DOCK1: variants seen among roughly 807,000 people sequenced by gnomAD.
The protein encoded by DOCK1 is dedicator of cytokinesis 1.
DOCK1 carries 138 observed loss-of-function variants against 262.7 expected under a neutral mutation model. The observed-to-expected ratio is 0.53, with a 90% CI of 0.46 to 0.61. The LOEUF (loss-of-function observed/expected upper bound fraction) is 0.61. Among genes scored for constraint, DOCK1 ranks in the 20% least tolerant of loss-of-function variants. DOCK1 has a pLI of 0.00. For missense variants in DOCK1, 1,908 were observed against 2,370.7 expected, an observed-to-expected ratio of 0.80 and a Z score of 4.05; for synonymous variants, 866 against 867.4, an observed-to-expected ratio of 1.00 and a Z score of 0.03.
intron 1 of DOCK1, among the ~76,000 whole-genome samples, chr10:126,925,178 C>T (rs1400707967): frequency 6.6e-6 from 1 of 152,196 alleles, no homozygotes; most frequent in Non-Finnish European, 1.5e-5. Context: ...ATTAGTATTT[C>T]CTGTTTCATA....
intron 19 of DOCK1, 52 bp downstream of exon 19, chr10:127,037,868 A>G (rs1465271620): frequency 2.9e-6 from 3 of 1,035,992 alleles, no homozygotes; most frequent in Admixed American, 2.9e-5. Context: ...TTTTTTTTTT[A>G]ATGTATGTTA....
intron 29 of DOCK1, among the ~76,000 whole-genome samples, chr10:127,317,694 T>G (rs1156720245): frequency 6.7e-6 from 1 of 148,234 alleles, no homozygotes; most frequent in East Asian, 2.0e-4. Context: ...CCTCATATAG[T>G]TGGGTTAGTT....
chr10:127,232,329 T>C (rs1324977127), intron 27 of DOCK1, among the ~76,000 whole-genome samples: 2 of 152,106 alleles, frequency 1.3e-5, no homozygotes, highest in Non-Finnish European at 2.9e-5. Context: ...CTTGTATATT[T>C]AGAGAGGGTG....
At chr10:127,422,667 T>C (rs7920574) in intron 46 of DOCK1, among the ~76,000 whole-genome samples, 136,868 of 152,244 alleles carry the variant, frequency 0.9, 61,652 homozygotes, top group African/African-American at 0.95. Context: ...GGCTTCTTTG[T>C]ATGGATTGTA....
chr10:127,374,709 A>T (rs147178891), intron 35 of DOCK1, among the ~76,000 whole-genome samples: 130 of 152,262 alleles, frequency 8.5e-4, no homozygotes, highest in African/African-American at 2.2e-3. Flanking sequence ...AGAGGTACTA[A>T]CTCCAATGAC....
chr10:127,419,016 TA>T (rs1260227657), intron 45 of DOCK1, among the ~76,000 whole-genome samples: 1 of 152,224 alleles, frequency 6.6e-6, no homozygotes, highest in Non-Finnish European at 1.5e-5. Context: ...CCTGTGTTTG[TA>T]ACTGCAGTTC....
In DOCK1 at chr10:127,160,172, T is replaced by G. The variant is rs145292426; in HGVS notation, c.2847+32408T>G. On this transcript the variant is annotated intron_variant, in intron 27 of 51. Transcript: ENST00000623213. ...AAAAAGTCTCTCACTGTGCTGTCAT[T>G]AGAAGCAAAGACCGAGAAAGTGACA... 2.4e-4 allele frequency among the ~76,000 whole-genome samples: 37 copies of G among 152,152 alleles called. 2 individuals carry two copies. In the East Asian group the frequency reaches 3.7e-3, roughly 15 times the overall value.
At chr10:127,204,354 T>G (rs936141284) in intron 27 of DOCK1, among the ~76,000 whole-genome samples, 1 of 152,356 alleles carries the variant, frequency 6.6e-6, no homozygotes, top group Admixed American at 6.5e-5. Flanking sequence ...TGATGTGATG[T>G]TGGCTCACTG....
chr10:126,948,638 G>T (rs1441977959), intron 1 of DOCK1, among the ~76,000 whole-genome samples: 1 of 151,942 alleles, frequency 6.6e-6, no homozygotes, highest in Non-Finnish European at 1.5e-5. Context: ...CCCGATGTGG[G>T]GTTGCAGGGT....
chr10:127,178,493 C>T (rs2055396245), intron 27 of DOCK1, among the ~76,000 whole-genome samples: 2 of 152,152 alleles, frequency 1.3e-5, no homozygotes, highest in Non-Finnish European at 2.9e-5. Context: ...ATGTCTCCAG[C>T]CATTACCAGA....
At chr10:127,429,002 G>GGTGTC (rs2069075773) in intron 47 of DOCK1, among the ~76,000 whole-genome samples, 2 of 134,776 alleles carry the variant, frequency 1.5e-5, no homozygotes, top group African/African-American at 2.9e-5. Flanking sequence ...TGTGGATTGG[G>GGTGTC]ATGCCGTGTG....
At position 127,367,680 on chromosome 10, in the gene DOCK1, A is replaced by G. The variant is rs889277760; in HGVS notation, c.3432+5468A>G. Among the ~76,000 whole-genome samples, 7 of 152,106 alleles carry G rather than the reference A, an allele frequency of 4.6e-5. No individual in the cohort carries two copies. The South Asian group carries it at 1.2e-3, about 27-fold the overall frequency. On this transcript the variant is annotated intron_variant, in intron 33 of 51. Coordinates refer to ENST00000623213, the MANE Select transcript of DOCK1 (RefSeq NM_001290223.2). ...TGAATTCTTTTTAGAAGTCCCTCCT[A>G]CCTTCAAAGTCATATGCTTCACTGT...
rs151336734 is a variant in DOCK1, at chr10:127,320,830, C to T, written c.3045-18176C>T. Among the ~76,000 whole-genome samples, 820 of 152,230 alleles carry T rather than the reference C, an allele frequency of 5.4e-3. 3 individuals are homozygous for T. The highest frequency in any genetic ancestry group is 7.7e-3 in the Non-Finnish European group (522 of 68,018). On this transcript the variant is annotated intron_variant, in intron 29 of 51. Transcript: ENST00000623213. ...GGGGCTCCGAGTCATCTGTCTACGT[C>T]CTCTGGAGCCTTCCTTGTCGATTGT...
chr10:127,007,194 C>A (rs2041097527), intron 10 of DOCK1, among the ~76,000 whole-genome samples: 1 of 152,122 alleles, frequency 6.6e-6, no homozygotes, highest in Non-Finnish European at 1.5e-5. Context: ...TTTGAGGCCC[C>A]TTGGTTGAGT....
intron 13 of DOCK1, among the ~76,000 whole-genome samples, chr10:127,022,758 T>C (rs181469297): frequency 6.6e-6 from 1 of 152,266 alleles, no homozygotes; most frequent in Admixed American, 6.5e-5. Context: ...GAAGAATGCA[T>C]AGGAGGCAAC....
rs536307932 is a variant in DOCK1 at position 127,040,860 on chromosome 10, T to C, written c.2011-1765T>C. On this transcript the variant is annotated intron_variant, in intron 19 of 51. Transcript: ENST00000623213. ...CATGGAGTTGTACAACTATTACCACTGTCTAATTTCAGAACACTTTCATCA... is the reference window on the plus strand; with the variant it reads ...CATGGAGTTGTACAACTATTACCACCGTCTAATTTCAGAACACTTTCATCA... Among the ~76,000 whole-genome samples, 8 of 152,356 alleles carry C rather than the reference T, an allele frequency of 5.3e-5. No homozygotes were observed. The South Asian group carries it at 1.7e-3, about 32-fold the overall frequency.
At chr10:126,944,045 G>A (rs2035211063) in intron 1 of DOCK1, among the ~76,000 whole-genome samples, 1 of 150,632 alleles carries the variant, frequency 6.6e-6, no homozygotes, top group Non-Finnish European at 1.5e-5. Context: ...GTGGTTTGAA[G>A]AACGGGAAGG....
rs902539197 is a variant in DOCK1, at chr10:127,407,053, G to C, written c.4123-1984G>C. On this transcript the variant is annotated intron_variant, in intron 40 of 51. Coordinates refer to ENST00000623213, the MANE Select transcript of DOCK1 (RefSeq NM_001290223.2). ...TTCGGGGGGGCGGTGGGGAGAAATA[G>C]AGCATTTTTCTTCCATAATGGTACT... Among the ~76,000 whole-genome samples, 6 of 151,898 alleles carry C rather than the reference G, an allele frequency of 4.0e-5. No homozygotes were observed. In the East Asian group the frequency reaches 1.2e-3, roughly 29 times the overall value.
intron 1 of DOCK1, among the ~76,000 whole-genome samples, chr10:126,955,547 A>G (rs926982440): frequency 6.6e-6 from 1 of 152,172 alleles, no homozygotes; most frequent in Non-Finnish European, 1.5e-5. Context: ...TGTTCGGGGC[A>G]CAAGGGTTTG....
Sources: gnomAD v4.1 joint callset for allele counts (sites outside exome capture counted in the v4.1 genomes callset) on GRCh38, gnomAD v4.1.1 for gene constraint, MANE v1.5 for transcripts, NCBI Gene and HGNC (gene_info 2026-07-23, HGNC 2026-07-21) for gene names.